THOC5: variants seen among roughly 807,000 people sequenced by gnomAD.
The protein encoded by THOC5 is THO complex subunit 5.
In THOC5, 43 loss-of-function variants were observed where a neutral mutation model predicts 92.9. The observed-to-expected ratio is 0.46, with a 90% confidence interval of 0.36 to 0.60. The LOEUF (loss-of-function observed/expected upper bound fraction) is 0.60. Ranked by LOEUF, THOC5 falls within the 20% of genes least tolerant of loss-of-function variation. The pLI, the probability that THOC5 is intolerant of heterozygous loss-of-function variation, is 0.00. For missense variants in THOC5, 659 were observed against 849.4 expected (o/e 0.78, Z 2.79); for synonymous variants, 296 against 320.1 (o/e 0.92, Z 0.80).
chr22:29,525,692 G>T, intron 12 of THOC5, 146 bp downstream of exon 12: 1 of 544,078 alleles, frequency 1.8e-6, no homozygotes, highest in South Asian at 2.7e-5. Flanking sequence ...GATGTGCCAG[G>T]ACTTCTGGTC....
rs201770075 is a variant in THOC5 at position 29,549,197 on chromosome 22, C to T, written c.-11-39G>A. The T allele has an allele frequency of 3.2e-6, 5 of 1,578,546 alleles. No individual in the cohort carries two copies. In the South Asian group the frequency reaches 4.5e-5, roughly 14 times the overall value. On this transcript the variant is annotated intron_variant, in intron 1 of 19. Coordinates refer to ENST00000490103, the MANE Select transcript of THOC5 (RefSeq NM_003678.5). ...AAAGTTTTTGAGATTCTTCTGGAGT[C>T]ATAACACTGAAGTCAAACTAGCAGT... is the stretch of plus-strand genomic sequence containing the variant.
At chr22:29,515,034 T>A (rs890608490) in intron 17 of THOC5, among the ~76,000 whole-genome samples, 2 of 147,940 alleles carry the variant, frequency 1.4e-5, no homozygotes, top group Non-Finnish European at 3.0e-5. Flanking sequence ...AAGGTATATA[T>A]ATTGTTTTTT....
chr22:29,528,936 C>T (rs1601418024), intron 9 of THOC5: 1 of 566,836 alleles, frequency 1.8e-6, no homozygotes, highest in Non-Finnish European at 3.1e-6. Flanking sequence ...ATATTAAATA[C>T]CTTCCTCGGG....
rs1484067719 is a variant in THOC5 at position 29,506,560 on chromosome 22, C to G, written c.*1897G>C. 1 of 152,210 alleles carries G rather than the reference C, an allele frequency of 6.6e-6. No individual in the cohort carries two copies. Among genetic ancestry groups the G allele is most frequent in the Non-Finnish European group, 1.5e-5 (1 of 68,088 alleles). 9.4% of individuals were successfully genotyped at this position (152,210 alleles called of 1,614,324 possible). ...TGGTGGCACACACCTGTGGTCCCAG[C>G]TACTTGGGAGGCTGAGGCAGGAGGA... On this transcript the variant is annotated 3_prime_UTR_variant, in exon 20 of 20. Coordinates refer to ENST00000490103, the MANE Select transcript of THOC5 (RefSeq NM_003678.5).
rs2063214392 is a variant in THOC5 at position 29,511,171 on chromosome 22, G to A, written c.1923C>T (p.Ser641=). The A allele has an allele frequency of 1.9e-6, 3 of 1,614,212 alleles. No individual in the cohort carries two copies. Among genetic ancestry groups the A allele is most frequent in the East Asian group, 4.5e-5 (2 of 44,890 alleles). The change falls in exon 19 of 20, where the codon AGC becomes AGT. Residue 641 remains serine (S), a synonymous_variant. Transcript: ENST00000490103. ...VLLDVYLETE[S]HDDSVEGPKE... is the part of the protein sequence containing the mutation. Reference sequence around the variant, plus strand: ...TGGGCCCCTCCACACTGTCGTCATGGCTCTCGGTCTCCAGGTAAACATCCA... The same window carrying A: ...TGGGCCCCTCCACACTGTCGTCATGACTCTCGGTCTCCAGGTAAACATCCA...
rs78989658 is a variant in THOC5, at chr22:29,532,391, T to C, written c.715-428A>G. Reference sequence around the variant, plus strand: ...CAAATAAGAATAAACAGGCCGGGCATAGTGGCTCACGCCTGTAATCTCAGC... The same window carrying C: ...CAAATAAGAATAAACAGGCCGGGCACAGTGGCTCACGCCTGTAATCTCAGC... On this transcript the variant is annotated intron_variant, in intron 7 of 19. Coordinates refer to ENST00000490103, the MANE Select transcript of THOC5 (RefSeq NM_003678.5). Among the ~76,000 whole-genome samples, 1,132 of 152,120 alleles carry C rather than the reference T, an allele frequency of 7.4e-3. 15 individuals are homozygous for C. Among genetic ancestry groups the C allele is most frequent in the African/African-American group, 0.026 (1,083 of 41,478 alleles).
chr22:29,552,560 C>G (rs1475210179), intron 1 of THOC5, among the ~76,000 whole-genome samples: 1 of 150,408 alleles, frequency 6.6e-6, no homozygotes, highest in East Asian at 2.0e-4. Flanking sequence ...CCAGCCGCCC[C>G]GTCCGGGGGG....
chr22:29,518,812 G>A (rs2063381495), intron 15 of THOC5, among the ~76,000 whole-genome samples, 194 bp downstream of exon 15: 1 of 152,240 alleles, frequency 6.6e-6, no homozygotes, highest in Non-Finnish European at 1.5e-5. Context: ...ATGGCTCTAA[G>A]GGGGAGCTCG....
At chr22:29,545,739 TAC>T (rs1268854118) in intron 2 of THOC5, among the ~76,000 whole-genome samples, 2 of 152,160 alleles carry the variant, frequency 1.3e-5, no homozygotes, top group Admixed American at 1.3e-4. Flanking sequence ...CTTTGCAGGG[TAC>T]AGTCTCCCTC....
chr22:29,540,082 C>T (rs1265950761), intron 5 of THOC5, among the ~76,000 whole-genome samples: 1 of 152,192 alleles, frequency 6.6e-6, no homozygotes, highest in African/African-American at 2.4e-5. Context: ...GAGTTCGAGA[C>T]CAGCCTGATC....
Position 29,506,336 on chromosome 22 carries a change from A to C in THOC5, c.*2121T>G, listed in dbSNP as rs2063141634. 6.6e-6 allele frequency: 1 copy of C among 152,304 alleles called. No homozygotes were observed. The highest frequency in any genetic ancestry group is 2.1e-4 in the South Asian group (1 of 4,828). 9.4% of individuals were successfully genotyped at this position (152,304 alleles called of 1,614,324 possible). On this transcript the variant is annotated 3_prime_UTR_variant, in exon 20 of 20. Transcript: ENST00000490103. ...TACCTATCTTCCCAAGACTTCTCTT[A>C]ATCAAATAATTATATTTTGAGGCAC...
chr22:29,539,484 C>T lies in THOC5; in HGVS notation c.453-8G>A, dbSNP rs148087409. 5.2e-5 allele frequency: 83 copies of T among 1,609,964 alleles called. 1 individual carries two copies. In the African/African-American group the frequency reaches 8.4e-4, roughly 16 times the overall value. On this transcript the variant is annotated splice_region_variant and splice_polypyrimidine_tract_variant and intron_variant, in intron 5 of 19. Coordinates refer to ENST00000490103, the MANE Select transcript of THOC5 (RefSeq NM_003678.5). The stretch of plus-strand genomic sequence containing the variant: ...ATTTCTTCATGCTTTGACCTACAGA[C>T]AAAAACATGACATCAAGCTGCTGTT...
chr22:29,513,972 CAG>C (rs2063280592), intron 17 of THOC5: 1 of 144,490 alleles, frequency 6.9e-6, no homozygotes, highest in Non-Finnish European at 1.5e-5. Flanking sequence ...TTTTTTGAGA[CAG>C]AGTCTCGCTC....
At chr22:29,511,827 A>C (rs1316302911) in intron 18 of THOC5, among the ~76,000 whole-genome samples, 194 bp downstream of exon 18, 1 of 151,356 alleles carries the variant, frequency 6.6e-6, no homozygotes, top group South Asian at 2.1e-4. Context: ...TGTGGACCCC[A>C]AGGTAGGCAA....
At position 29,507,721 on chromosome 22, in the gene THOC5, T is replaced by C. The variant is rs1219415243; in HGVS notation, c.*736A>G. ...AGTTTACTGTATTGTAAGAATACAG[T>C]GTATAAGATACAAAATATATACTGA... On this transcript the variant is annotated 3_prime_UTR_variant, in exon 20 of 20. Coordinates refer to ENST00000490103, the MANE Select transcript of THOC5 (RefSeq NM_003678.5). 6.6e-6 allele frequency: 1 copy of C among 152,282 alleles called. No homozygotes were observed. Among genetic ancestry groups the C allele is most frequent in the Non-Finnish European group, 1.5e-5 (1 of 68,084 alleles). 9.4% of individuals were successfully genotyped at this position (152,282 alleles called of 1,614,324 possible).
intron 7 of THOC5, among the ~76,000 whole-genome samples, chr22:29,534,182 G>A (rs890397236): frequency 2.0e-5 from 3 of 152,148 alleles, no homozygotes; most frequent in African/African-American, 7.2e-5. Context: ...AGACATAGGA[G>A]TATATACTAT....
At chr22:29,531,107 T>C (rs2063645345) in intron 8 of THOC5, 9 of 1,187,228 alleles carry the variant, frequency 7.6e-6, no homozygotes, top group Non-Finnish European at 9.7e-6. Flanking sequence ...GGATTTCATA[T>C]GAGCTGATGA....
chr22:29,552,550 C>T (rs1241877721), intron 1 of THOC5, among the ~76,000 whole-genome samples: 2 of 139,018 alleles, frequency 1.4e-5, no homozygotes, highest in Non-Finnish European at 3.3e-5. Flanking sequence ...CCCCGCCCGG[C>T]CAGCCGCCCC....
chr22:29,521,284 G>A (rs1294085596), intron 12 of THOC5, among the ~76,000 whole-genome samples, 185 bp from the exon 13 acceptor site: 3 of 152,126 alleles, frequency 2.0e-5, no homozygotes, highest in East Asian at 1.9e-4. Context: ...CCCTATGAGG[G>A]AGGATTATCA....
Sources: allele counts gnomAD v4.1 joint callset (sites outside exome capture counted in the v4.1 genomes callset), GRCh38; gene constraint gnomAD v4.1.1; transcripts MANE v1.5; gene names NCBI Gene and HGNC (gene_info 2026-07-23, HGNC 2026-07-21).